Variants in TMEM132C observed in about 807,000 individuals in gnomAD.
TMEM132C encodes transmembrane protein 132C, also known as protein phosphatase 1, regulatory subunit 152.
Under a neutral mutation model 61.4 loss-of-function variants are expected in TMEM132C, and 29 were observed. The observed-to-expected ratio is 0.47, with a 90% CI of 0.35 to 0.64. The LOEUF (loss-of-function observed/expected upper bound fraction) is 0.64. Ranked by LOEUF, TMEM132C falls within the 30% of genes least tolerant of loss-of-function variation. TMEM132C has a pLI of 0.00. For missense variants in TMEM132C, 1,408 were observed against 1,476.9 expected, an observed-to-expected ratio of 0.95 and a Z score of 0.76; for synonymous variants, 656 against 633.1, an observed-to-expected ratio of 1.04 and a Z score of -0.54.
intron 8 of TMEM132C, 127 bp downstream of exon 8, chr12:128,697,542 T>A: frequency 3.1e-6 from 3 of 980,044 alleles, no homozygotes; most frequent in Non-Finnish European, 4.4e-6. Context: ...ATGGAAGCCA[T>A]GTCATTGCAG....
chr12:128,502,856 C>T (rs534499591), intron 2 of TMEM132C, among the ~76,000 whole-genome samples: 4 of 152,308 alleles, frequency 2.6e-5, no homozygotes, highest in Admixed American at 6.5e-5. Context: ...CAGTTTGGGC[C>T]GGGATGCTCC....
At chr12:128,590,954 T>C (rs1875728680) in intron 3 of TMEM132C, among the ~76,000 whole-genome samples, 1 of 152,038 alleles carries the variant, frequency 6.6e-6, no homozygotes, top group South Asian at 2.1e-4. Context: ...TTTTTATAAT[T>C]TTATGATTTG....
At chr12:128,581,029 T>A (rs191961046) in intron 3 of TMEM132C, among the ~76,000 whole-genome samples, 1 of 152,222 alleles carries the variant, frequency 6.6e-6, no homozygotes, top group African/African-American at 2.4e-5. Flanking sequence ...ACCACTAGTT[T>A]ACAACACCAA....
At chr12:128,420,599 AT>A (rs1868954563) in intron 2 of TMEM132C, among the ~76,000 whole-genome samples, 1 of 152,218 alleles carries the variant, frequency 6.6e-6, no homozygotes, top group Admixed American at 6.5e-5. Context: ...GATGTAACTT[AT>A]TTTTATGTAT....
At chr12:128,480,703 A>AC (rs1871291441) in intron 2 of TMEM132C, among the ~76,000 whole-genome samples, 1 of 152,052 alleles carries the variant, frequency 6.6e-6, no homozygotes, top group Non-Finnish European at 1.5e-5. Flanking sequence ...CAGATTTATC[A>AC]CCCCAATCAG....
chr12:128,602,740 T>C (rs1489989165), intron 3 of TMEM132C, among the ~76,000 whole-genome samples: 1 of 152,234 alleles, frequency 6.6e-6, no homozygotes, highest in Non-Finnish European at 1.5e-5. Flanking sequence ...ATTAGGCCAA[T>C]GTCCCACTGC....
intron 3 of TMEM132C, among the ~76,000 whole-genome samples, chr12:128,571,389 T>C (rs1281159768): frequency 1.3e-5 from 2 of 152,254 alleles, no homozygotes; most frequent in African/African-American, 2.4e-5. Flanking sequence ...ATTTTTATTG[T>C]GGTAAAATAT....
chr12:128,544,089 C>G lies in TMEM132C; in HGVS notation c.1107C>G (p.Pro369=), dbSNP rs1390917649. 2 of 1,538,064 alleles carry G rather than the reference C, an allele frequency of 1.3e-6. No homozygotes were observed. Among genetic ancestry groups the G allele is most frequent in the East Asian group, 5.0e-5 (2 of 40,168 alleles). The change falls in exon 3 of 9, where the codon CCC becomes CCG. Residue 369 remains proline, a synonymous_variant. Transcript: ENST00000435159. The part of the protein sequence containing the change: ...TATVACQRLG[P]SPRNRSSSLF... ...CCGTGGCCTGCCAGCGCCTGGGGCC[C>G]AGCCCACGCAACAGGTAAGCGGTGC...
rs192265485 is a variant in TMEM132C, at chr12:128,315,516, T to A, written c.85+48029T>A. Among the ~76,000 whole-genome samples the A allele has an allele frequency of 4.2e-3, 632 of 151,816 alleles. 2 individuals are homozygous for A. The highest frequency in any genetic ancestry group is 6.4e-3 in the Admixed American group (98 of 15,230). The stretch of plus-strand genomic sequence containing the variant: ...ACGATAGCCTTTTCTACTCACCAAA[T>A]CCACCCAACTTTTTGGAAAAAAAAA... On this transcript the variant is annotated intron_variant, in intron 1 of 8. Transcript: ENST00000435159.
chr12:128,292,049 G>A lies in TMEM132C; in HGVS notation c.85+24562G>A, dbSNP rs59882210. On this transcript the variant is annotated intron_variant, in intron 1 of 8. Coordinates refer to ENST00000435159, the MANE Select transcript of TMEM132C (RefSeq NM_001136103.3). ...TAGGGCTGCGGGGTGCCCTCCTGTC[G>A]CTGGTATCTAGGTGTCTCACCATCC... 8.1e-4 allele frequency among the ~76,000 whole-genome samples: 124 copies of A among 152,206 alleles called. No homozygotes were observed. The East Asian group carries it at 0.018, about 22-fold the overall frequency.
chr12:128,324,111 G>C (rs1405195697), intron 1 of TMEM132C, among the ~76,000 whole-genome samples: 1 of 152,154 alleles, frequency 6.6e-6, no homozygotes, highest in Non-Finnish European at 1.5e-5. Context: ...GAGTCGCTGT[G>C]GGCCAGTCTT....
chr12:128,306,401 A>G (rs1042309249), intron 1 of TMEM132C, among the ~76,000 whole-genome samples: 11 of 151,918 alleles, frequency 7.2e-5, no homozygotes, highest in African/African-American at 2.2e-4. Flanking sequence ...ATGGGGTTTC[A>G]TCGTGTTAGC....
chr12:128,401,537 C>G (rs922787260), intron 1 of TMEM132C, among the ~76,000 whole-genome samples: 1 of 152,142 alleles, frequency 6.6e-6, no homozygotes, highest in Non-Finnish European at 1.5e-5. Context: ...TTGCATTTCA[C>G]ATGCAGATTG....
chr12:128,364,922 A>C (rs1226309414), intron 1 of TMEM132C, among the ~76,000 whole-genome samples: 1 of 152,218 alleles, frequency 6.6e-6, no homozygotes, highest in East Asian at 1.9e-4. Context: ...CCTCAGCTAC[A>C]ACCCAGGTTT....
chr12:128,269,777 T>C (rs1870450188), intron 1 of TMEM132C, among the ~76,000 whole-genome samples: 1 of 151,710 alleles, frequency 6.6e-6, no homozygotes, highest in Non-Finnish European at 1.5e-5. Context: ...AGATATCTTC[T>C]AGAGAGGAAA....
chr12:128,271,809 C>A (rs1057264152), intron 1 of TMEM132C, among the ~76,000 whole-genome samples: 3 of 152,204 alleles, frequency 2.0e-5, no homozygotes, highest in African/African-American at 4.8e-5. Flanking sequence ...TCAGCACTCT[C>A]AATTATATTA....
At chr12:128,308,421 C>T (rs574442875) in intron 1 of TMEM132C, among the ~76,000 whole-genome samples, 1 of 152,228 alleles carries the variant, frequency 6.6e-6, no homozygotes, top group Admixed American at 6.5e-5. Context: ...TCTGGAAACA[C>T]ATTGCATTGC....
chr12:128,520,662 G>A (rs1872877106), intron 2 of TMEM132C, among the ~76,000 whole-genome samples: 1 of 152,206 alleles, frequency 6.6e-6, no homozygotes, highest in African/African-American at 2.4e-5. Context: ...TAAAATGCAA[G>A]TAGCACATTC....
intron 1 of TMEM132C, among the ~76,000 whole-genome samples, chr12:128,267,796 T>A (rs1197794044): frequency 6.6e-6 from 1 of 152,048 alleles, no homozygotes; most frequent in Non-Finnish European, 1.5e-5. Flanking sequence ...TTGTTCCCCA[T>A]CCCTGAGTTC....
Sources: gnomAD v4.1 joint callset for allele counts (sites outside exome capture counted in the v4.1 genomes callset) on GRCh38, gnomAD v4.1.1 for gene constraint, MANE v1.5 for transcripts, NCBI Gene and HGNC (gene_info 2026-07-23, HGNC 2026-07-21) for gene names.